The following CHST8 variants were observed in gnomAD, a reference collection of about 807,000 sequenced individuals.
CHST8 encodes the protein GALNAC-4-ST1.
Under a neutral mutation model 15.0 loss-of-function variants are expected in CHST8, and 10 were observed. The ratio of observed to expected loss-of-function variants is 0.67; its 90% CI spans 0.41 to 1.13. The LOEUF is 1.13. Ranked by LOEUF, CHST8 falls within the 50% of genes most tolerant of loss-of-function variation. The probability of loss-of-function intolerance (pLI) is 0.00; values close to 1 mark genes in which losing one functional copy is unlikely to be tolerated. For synonymous variants in CHST8, 259 were observed against 256.6 expected (o/e 1.01, Z -0.09); for missense variants, 634 against 608.2 (o/e 1.04, Z -0.45).
At position 33,694,093 on chromosome 19, in the gene CHST8, CATATATATATATAT is replaced by C. The variant is rs3040787; in HGVS notation, c.130+4726_130+4739del. ...CATACAGATTCTGTTGTAGTTTATT[CATATATATATATAT>C]ATATATATATATATATATATATAAA... On this transcript the variant is annotated intron_variant, in intron 3 of 4. Coordinates refer to ENST00000650847, the MANE Select transcript of CHST8 (RefSeq NM_001127895.2). Among the ~76,000 whole-genome samples, 49 of 31,396 alleles carry C rather than the reference CATATATATATATAT, an allele frequency of 1.6e-3. 4 individuals carry two copies. In the East Asian group the frequency reaches 0.022, roughly 14 times the overall value. The allele number at this position is 31,396 out of a possible 152,430, so 20.6% of individuals were successfully genotyped here.
At chr19:33,633,583 TG>T (rs35619221) in intron 1 of CHST8, among the ~76,000 whole-genome samples, 1 of 150,964 alleles carries the variant, frequency 6.6e-6, no homozygotes. Flanking sequence ...TTTGTAGAGA[TG>T]GGGGGGTCTC....
intron 2 of CHST8, among the ~76,000 whole-genome samples, chr19:33,687,427 G>A (rs1973001010): frequency 6.6e-6 from 1 of 152,192 alleles, no homozygotes; most frequent in Non-Finnish European, 1.5e-5. Flanking sequence ...ACAGGAAGCA[G>A]CAGTTTGTCT....
intron 2 of CHST8, among the ~76,000 whole-genome samples, chr19:33,687,387 C>T (rs1449051919): frequency 6.6e-6 from 1 of 152,164 alleles, no homozygotes; most frequent in African/African-American, 2.4e-5. Flanking sequence ...CTACTCTTTG[C>T]AGGCAAGGCA....
At chr19:33,679,899 TC>T (rs1336673606) in intron 2 of CHST8, among the ~76,000 whole-genome samples, 26 of 152,160 alleles carry the variant, frequency 1.7e-4, no homozygotes, top group Non-Finnish European at 3.8e-4. Context: ...GGCTGCCTCA[TC>T]TGAGATCACG....
intron 2 of CHST8, among the ~76,000 whole-genome samples, chr19:33,668,959 C>T (rs1972698872): frequency 6.6e-6 from 1 of 152,084 alleles, no homozygotes; most frequent in African/African-American, 2.4e-5. Context: ...CAGAGTAGCA[C>T]AAAAATGGGT....
At chr19:33,625,699 T>C (rs1972043693) in intron 1 of CHST8, among the ~76,000 whole-genome samples, 1 of 151,952 alleles carries the variant, frequency 6.6e-6, no homozygotes, top group Admixed American at 6.6e-5. Flanking sequence ...CAGTCTCTAC[T>C]AAAAAGACAA....
At position 33,772,500 on chromosome 19, in the gene CHST8, A is replaced by T. The variant is rs1394802818; in HGVS notation, c.712A>T (p.Thr238Ser). The change falls in exon 5 of 5, where the codon ACC becomes TCC. Residue 238 changes from threonine (T) to serine (S), a missense_variant. Thr to Ser is a moderately conservative substitution (Grantham distance 58, BLOSUM62 1). Transcript: ENST00000650847. ...TGGCAGCGCTCTCAAGCGCCTGGACACCTTCGACCGCCAGGGTATCTTGCA... is the reference window on the plus strand; with the variant it reads ...TGGCAGCGCTCTCAAGCGCCTGGACTCCTTCGACCGCCAGGGTATCTTGCA... The part of the protein sequence containing the change: ...HYGSALKRLD[T>S]FDRQGILHRL... 6.2e-7 allele frequency: 1 copy of T among 1,613,796 alleles called. No homozygotes were observed. The highest frequency in any genetic ancestry group is 8.5e-7 in the Non-Finnish European group (1 of 1,180,006).
At chr19:33,653,944 G>T (rs764557075) in intron 1 of CHST8, among the ~76,000 whole-genome samples, 30 of 152,100 alleles carry the variant, frequency 2.0e-4, no homozygotes, top group Non-Finnish European at 2.2e-4. Flanking sequence ...CCCTGCCTTT[G>T]TTTTAGTCCC....
rs139698997 is a variant in CHST8, at chr19:33,670,141, C to T, written c.-87+2298C>T. Among the ~76,000 whole-genome samples, 317 of 152,164 alleles carry T rather than the reference C, an allele frequency of 2.1e-3. 1 individual carries two copies. The highest frequency in any genetic ancestry group is 6.8e-3 in the African/African-American group (283 of 41,506). On this transcript the variant is annotated intron_variant, in intron 2 of 4. Transcript: ENST00000650847. ...CGCCAAGTTTTTTAGAAGACTTCAA[C>T]CTTGTTAGCAAAGTAATTAAGCAGA...
intron 3 of CHST8, among the ~76,000 whole-genome samples, chr19:33,743,332 C>T (rs959581308): frequency 3.8e-5 from 5 of 132,022 alleles, no homozygotes; most frequent in Admixed American, 8.4e-5. Flanking sequence ...GACGGAGTCT[C>T]GCTGTTACCC....
chr19:33,772,214 G>C lies in CHST8; in HGVS notation c.426G>C (p.Leu142=), dbSNP rs1975003606. The C allele has an allele frequency of 1.3e-6, 2 of 1,595,422 alleles. No homozygotes were observed. Among genetic ancestry groups the C allele is most frequent in the Admixed American group, 1.7e-5 (1 of 58,106 alleles). Residue 142 remains leucine, a synonymous_variant, in exon 5 of 5, where the codon CTG becomes CTC. Coordinates refer to ENST00000650847, the MANE Select transcript of CHST8 (RefSeq NM_001127895.2). ...TCATCCGGCCGGGACCCGGGACGCT[G>C]GATGGCCGCTGGGTCAGCCTGCACC... The part of the protein sequence containing the change: ...APFIRPGPGT[L]DGRWVSLHRS...
At chr19:33,637,904 G>A (rs895241091) in intron 1 of CHST8, among the ~76,000 whole-genome samples, 2 of 148,588 alleles carry the variant, frequency 1.3e-5, no homozygotes, top group Admixed American at 1.3e-4. Context: ...AGGATCTGAA[G>A]CAGCATGCCC....
intron 3 of CHST8, among the ~76,000 whole-genome samples, chr19:33,748,981 C>A (rs930730568): frequency 1.3e-5 from 2 of 152,176 alleles, no homozygotes; most frequent in Non-Finnish European, 2.9e-5. Context: ...CAGGCGCACA[C>A]CCCTGAGGGC....
intron 3 of CHST8, among the ~76,000 whole-genome samples, chr19:33,722,978 G>A (rs951941841): frequency 3.9e-5 from 6 of 152,184 alleles, no homozygotes; most frequent in South Asian, 2.1e-4. Flanking sequence ...TCACCCTTCC[G>A]AAGATAAGCC....
At chr19:33,627,829 T>G (rs12609160) in intron 1 of CHST8, among the ~76,000 whole-genome samples, 69,357 of 151,970 alleles carry the variant, frequency 0.46, 16,267 homozygotes, top group Middle Eastern at 0.57. Context: ...CCAGGCCCTG[T>G]GGACATGAGG....
At chr19:33,706,476 C>T (rs910305394) in intron 3 of CHST8, among the ~76,000 whole-genome samples, 2 of 152,186 alleles carry the variant, frequency 1.3e-5, no homozygotes, top group Admixed American at 6.5e-5. Context: ...GCACTTCACC[C>T]TGAAGTCTGG....
intron 3 of CHST8, among the ~76,000 whole-genome samples, chr19:33,701,686 G>A (rs779125313): frequency 2.6e-5 from 4 of 152,190 alleles, no homozygotes; most frequent in Non-Finnish European, 5.9e-5. Context: ...GTGTATGATG[G>A]TAATTTATAA....
intron 3 of CHST8, among the ~76,000 whole-genome samples, chr19:33,701,205 C>T (rs948689073): frequency 1.3e-5 from 2 of 152,126 alleles, no homozygotes; most frequent in Non-Finnish European, 2.9e-5. Context: ...GGCCGTTCCC[C>T]TTAGCAGTGC....
chr19:33,765,513 T>TG (rs1974816215), intron 3 of CHST8, among the ~76,000 whole-genome samples: 18 of 131,610 alleles, frequency 1.4e-4, no homozygotes, highest in African/African-American at 4.5e-4. Flanking sequence ...ATGCCAGTCT[T>TG]TGTGTGTGTG....
Sources: gnomAD v4.1 joint callset for allele counts (sites outside exome capture counted in the v4.1 genomes callset) on GRCh38, gnomAD v4.1.1 for gene constraint, MANE v1.5 for transcripts, NCBI Gene and HGNC (gene_info 2026-07-23, HGNC 2026-07-21) for gene names.